The following CASR variants were observed in gnomAD, a reference collection of about 807,000 sequenced individuals.
The protein encoded by CASR is extracellular calcium-sensing receptor.
CASR carries 23 observed loss-of-function variants against 69.1 expected under a neutral mutation model. The observed-to-expected ratio is 0.33, with a 90% CI of 0.24 to 0.47. The LOEUF (loss-of-function observed/expected upper bound fraction) is 0.47. CASR is among the 20% of genes least tolerant of loss of function. The pLI is 1.00. For synonymous variants in CASR, 541 were observed against 544.7 expected, an observed-to-expected ratio of 0.99 and a Z score of 0.10; for missense variants, 924 against 1,356.1, an observed-to-expected ratio of 0.68 and a Z score of 5.00.
In CASR at chr3:122,236,714, T is replaced by A. The variant is rs376547807; in HGVS notation, c.-242-17234T>A. 2.6e-4 allele frequency among the ~76,000 whole-genome samples: 39 copies of A among 152,316 alleles called. No individual in the cohort carries two copies. In the South Asian group the frequency reaches 4.6e-3, roughly 18 times the overall value. On this transcript the variant is annotated intron_variant, in intron 1 of 6. Transcript: ENST00000639785. ...ATCTCCAGTGGGACGCAAATTCTTTTAACCTCAGGTCAGCCCCAAATCATG... is the reference window on the plus strand; with the variant it reads ...ATCTCCAGTGGGACGCAAATTCTTTAAACCTCAGGTCAGCCCCAAATCATG...
In CASR at chr3:122,284,411, C is replaced by A; in HGVS notation, c.2457C>A (p.Ile819=). 1 of 1,614,052 alleles carries A rather than the reference C, an allele frequency of 6.2e-7. No individual in the cohort carries two copies. Residue 819 remains isoleucine, a synonymous_variant, in exon 7 of 7, where the codon ATC becomes ATA. Coordinates refer to ENST00000639785, the MANE Select transcript of CASR (RefSeq NM_000388.4). Reference sequence around the variant, plus strand: ...TGCTCATCTTCTTCATCGTCTGGATCTCCTTCATTCCAGCCTATGCCAGCA... The same window carrying A: ...TGCTCATCTTCTTCATCGTCTGGATATCCTTCATTCCAGCCTATGCCAGCA... ...FSMLIFFIVW[I]SFIPAYASTY...
At chr3:122,212,313 A>C (rs2074076287) in intron 1 of CASR, among the ~76,000 whole-genome samples, 1 of 152,208 alleles carries the variant, frequency 6.6e-6, no homozygotes, top group African/African-American at 2.4e-5. Flanking sequence ...CAGGAACAGA[A>C]ACCCAAACAC....
intron 1 of CASR, among the ~76,000 whole-genome samples, chr3:122,249,963 G>C (rs183777568): frequency 9.3e-4 from 141 of 152,324 alleles, no homozygotes; most frequent in African/African-American, 3.3e-3. Context: ...CATTTCCTAG[G>C]TTGTAGCTCC....
At chr3:122,208,897 C>T (rs1479765000) in intron 1 of CASR, among the ~76,000 whole-genome samples, 3 of 152,046 alleles carry the variant, frequency 2.0e-5, no homozygotes, top group South Asian at 4.1e-4. Flanking sequence ...TTTAGGCTAA[C>T]GTAGTGGAGG....
chr3:122,278,733 CAG>C (rs1296535659), intron 5 of CASR, among the ~76,000 whole-genome samples: 4 of 152,102 alleles, frequency 2.6e-5, no homozygotes, highest in Non-Finnish European at 5.9e-5. Context: ...TGGTATAAAG[CAG>C]AGTTTGGTGT....
chr3:122,208,179 C>T (rs951639566), intron 1 of CASR, among the ~76,000 whole-genome samples: 4 of 152,054 alleles, frequency 2.6e-5, no homozygotes, highest in African/African-American at 4.8e-5. Context: ...AATGGAAATA[C>T]AAATGATTCT....
chr3:122,251,653 T>C (rs527385470), intron 1 of CASR, among the ~76,000 whole-genome samples: 32 of 152,340 alleles, frequency 2.1e-4, no homozygotes, highest in Admixed American at 2.0e-4. Context: ...AAAAGCCTGA[T>C]GTACTTGAGG....
chr3:122,185,215 G>A (rs1405960648), intron 1 of CASR, among the ~76,000 whole-genome samples: 1 of 151,962 alleles, frequency 6.6e-6, no homozygotes, highest in Non-Finnish European at 1.5e-5. Flanking sequence ...CAGGCAATGC[G>A]TGCACTAGCA....
Position 122,254,083 on chromosome 3 carries a change from A to T in CASR, c.-107A>T. ...TCTATTATTTTATTAATCAATCTGT[A>T]GACATGTGTCCCCACTGCAGGGAGT... On this transcript the variant is annotated 5_prime_UTR_variant, in exon 2 of 7. It removes the in-frame stop codon of an upstream open reading frame in the 5' UTR. Transcript: ENST00000639785. 1.1e-6 allele frequency: 1 copy of T among 929,072 alleles called. No individual in the cohort carries two copies. The highest frequency in any genetic ancestry group is 1.8e-6 in the Non-Finnish European group (1 of 561,492). The allele number at this position is 929,072 out of a possible 1,614,324, so 57.6% of individuals were successfully genotyped here.
At chr3:122,198,334 A>G (rs892397017) in intron 1 of CASR, among the ~76,000 whole-genome samples, 2 of 152,220 alleles carry the variant, frequency 1.3e-5, no homozygotes, top group Non-Finnish European at 2.9e-5. Flanking sequence ...AATATCTTAA[A>G]TGCCCACCAG....
chr3:122,283,672 T>G lies in CASR; in HGVS notation c.1733-15T>G. 1 of 1,611,718 alleles carries G rather than the reference T, an allele frequency of 6.2e-7. No individual in the cohort carries two copies. The highest frequency in any genetic ancestry group is 8.5e-7 in the Non-Finnish European group (1 of 1,177,824). ...TGCCACACAATAACTCACTCTTCACTGGGACATTTTACAGATGCCAGTGCC... is the reference window on the plus strand; with the variant it reads ...TGCCACACAATAACTCACTCTTCACGGGGACATTTTACAGATGCCAGTGCC... On this transcript the variant is annotated splice_polypyrimidine_tract_variant and intron_variant, in intron 6 of 6. Transcript: ENST00000639785.
Position 122,212,831 on chromosome 3 carries a change from G to A in CASR, c.-243+29019G>A, listed in dbSNP as rs1025901912. ...TAATTTTTGTATTTTTAGTAGAGAC[G>A]GGGTTTCTCCATGTTGGTCAGGCTG... On this transcript the variant is annotated intron_variant, in intron 1 of 6. Transcript: ENST00000639785. 5.9e-5 allele frequency among the ~76,000 whole-genome samples: 9 copies of A among 152,052 alleles called. No individual in the cohort carries two copies. The East Asian group carries it at 9.7e-4, about 16-fold the overall frequency.
At chr3:122,261,262 A>G (rs2074618315) in intron 3 of CASR, among the ~76,000 whole-genome samples, 1 of 152,238 alleles carries the variant, frequency 6.6e-6, no homozygotes. Context: ...GGCCAGACCC[A>G]GTTTTGAAGT....
At chr3:122,279,798 C>A (rs1379478267) in intron 5 of CASR, among the ~76,000 whole-genome samples, 2 of 151,998 alleles carry the variant, frequency 1.3e-5, no homozygotes, top group Non-Finnish European at 2.9e-5. Flanking sequence ...ATTCTTTTTT[C>A]ATTGTATTTC....
chr3:122,248,022 C>A (rs2107619045), intron 1 of CASR, among the ~76,000 whole-genome samples: 1 of 152,272 alleles, frequency 6.6e-6, no homozygotes, highest in Non-Finnish European at 1.5e-5. Flanking sequence ...AAAGTCACAC[C>A]TGTTGTCAGG....
In CASR at chr3:122,284,567, G is replaced by A. The variant is rs1553769147; in HGVS notation, c.2613G>A (p.Glu871=). ...LFKPSRNTIE[E]VRCSTAAHAF... is the part of the protein sequence containing the mutation. ...AGCCATCCCGCAACACCATCGAGGAGGTGCGTTGCAGCACCGCAGCTCACG... is the reference window on the plus strand; with the variant it reads ...AGCCATCCCGCAACACCATCGAGGAAGTGCGTTGCAGCACCGCAGCTCACG... The change falls in exon 7 of 7, where the codon GAG becomes GAA. Residue 871 remains glutamate (E), a synonymous_variant. Coordinates refer to ENST00000639785, the MANE Select transcript of CASR (RefSeq NM_000388.4). 1.2e-6 allele frequency: 2 copies of A among 1,614,042 alleles called. No individual in the cohort carries two copies. The highest frequency in any genetic ancestry group is 1.3e-5 in the African/African-American group (1 of 74,940).
intron 1 of CASR, among the ~76,000 whole-genome samples, chr3:122,201,448 C>G (rs1367399017): frequency 6.6e-6 from 1 of 152,262 alleles, no homozygotes; most frequent in East Asian, 1.9e-4. Context: ...CTTTTCCCCA[C>G]CTTTCCCCCT....
At chr3:122,264,270 T>C (rs1301066967) in intron 4 of CASR, among the ~76,000 whole-genome samples, 1 of 152,232 alleles carries the variant, frequency 6.6e-6, no homozygotes, top group Non-Finnish European at 1.5e-5. Context: ...CTAGGTATTT[T>C]CATCTCATCT....
chr3:122,227,853 C>A (rs1026957266), intron 1 of CASR, among the ~76,000 whole-genome samples: 5 of 152,204 alleles, frequency 3.3e-5, no homozygotes, highest in African/African-American at 1.2e-4. Context: ...TGTAACAAAC[C>A]TGTATGTGTA....
Sources: allele counts gnomAD v4.1 joint callset (sites outside exome capture counted in the v4.1 genomes callset), GRCh38; gene constraint gnomAD v4.1.1; transcripts MANE v1.5; gene names NCBI Gene and HGNC (gene_info 2026-07-23, HGNC 2026-07-21).